Variants in TUBB3 observed in about 807,000 individuals in gnomAD.
TUBB3 encodes the protein tubulin beta-3 chain.
TUBB3 carries 17 observed loss-of-function variants against 37.8 expected under a neutral mutation model. That is an observed-to-expected ratio of 0.45 (90% CI 0.31 to 0.67). TUBB3 has a LOEUF of 0.67. Ranked by LOEUF, TUBB3 falls within the 30% of genes least tolerant of loss-of-function variation. TUBB3 has a pLI of 0.07. For missense variants in TUBB3, 262 were observed against 657.9 expected (o/e 0.40, Z 6.58); for synonymous variants, 332 against 278.9 (o/e 1.19, Z -1.90).
rs2030350424 is a variant in TUBB3, at chr16:89,933,696, G to A, written c.277+118G>A. Reference sequence around the variant, plus strand: ...GTCAGCTCCTCACATGATCCTGAATGGTGGGAACTCATCTCTCCATTTTAC... The same window carrying A: ...GTCAGCTCCTCACATGATCCTGAATAGTGGGAACTCATCTCTCCATTTTAC... On this transcript the variant is annotated intron_variant, in intron 3 of 3. Transcript: ENST00000315491. 3.5e-6 allele frequency: 3 copies of A among 847,632 alleles called. No homozygotes were observed. The East Asian group carries it at 7.4e-5, about 21-fold the overall frequency. The allele number at this position is 847,632 out of a possible 1,614,324, so 52.5% of individuals were successfully genotyped here. A position where few individuals can be genotyped will look rare whatever the true frequency, so the allele number is the denominator to read the frequency against.
At position 89,936,052 on chromosome 16, in the gene TUBB3, A is replaced by G; in HGVS notation, c.*248A>G. 1.7e-6 allele frequency: 1 copy of G among 590,402 alleles called. No homozygotes were observed. 36.6% of individuals were successfully genotyped at this position (590,402 alleles called of 1,614,324 possible). On this transcript the variant is annotated 3_prime_UTR_variant, in exon 4 of 4. Coordinates refer to ENST00000315491, the MANE Select transcript of TUBB3 (RefSeq NM_006086.4). ...TTTTGTTTTTTACTGGTTTGTGTTT[A>G]TATTTTCGGGGATACTTAATAAATC...
intron 1 of TUBB3, among the ~76,000 whole-genome samples, chr16:89,927,854 T>C (rs925247422): frequency 2.0e-5 from 3 of 152,212 alleles, no homozygotes; most frequent in East Asian, 1.9e-4. Flanking sequence ...TTCCCATAGA[T>C]GTGTTACTCT....
At position 89,935,685 on chromosome 16, in the gene TUBB3, G is replaced by A. The variant is rs2030430762; in HGVS notation, c.1234G>A (p.Glu412Lys). 2 of 1,613,742 alleles carry A rather than the reference G, an allele frequency of 1.2e-6. No homozygotes were observed. The highest frequency in any genetic ancestry group is 8.5e-7 in the Non-Finnish European group (1 of 1,179,906). The part of the protein sequence containing the change: ...GMDEMEFTEA[E>K]SNMNDLVSEY... ...GGACGAGATGGAGTTCACCGAGGCC[G>A]AGAGCAACATGAACGACCTGGTGTC... The change falls in exon 4 of 4, where the codon GAG becomes AAG. Residue 412 changes from glutamate to lysine, a missense_variant. Around this residue, in one of 3 missense-constraint regions of TUBB3, gnomAD observed 165 missense variants for 556.8 expected, o/e 0.30. Transcript: ENST00000315491.
intron 1 of TUBB3, chr16:89,931,872 T>C: frequency 2.4e-6 from 1 of 411,548 alleles, no homozygotes; most frequent in Non-Finnish European, 5.0e-6. Context: ...AGGTGGCAGG[T>C]AGAGAGAGGA....
rs2030408122 is a variant in TUBB3 at position 89,935,111 on chromosome 16, C to T, written c.660C>T (p.Pro220=). Residue 220 remains proline, a synonymous_variant, in exon 4 of 4, where the codon CCC becomes CCT. Transcript: ENST00000315491. ...ICFRTLKLAT[P]TYGDLNHLVS... ...TCCGCACCCTCAAGCTGGCCACGCC[C>T]ACCTACGGGGACCTCAACCACCTGG... The T allele has an allele frequency of 3.1e-6, 5 of 1,614,202 alleles. No homozygotes were observed. Among genetic ancestry groups the T allele is most frequent in the Non-Finnish European group, 4.2e-6 (5 of 1,180,038 alleles).
intron 3 of TUBB3, chr16:89,934,309 C>T: frequency 2.1e-6 from 1 of 475,682 alleles, no homozygotes; most frequent in Non-Finnish European, 4.2e-6. Flanking sequence ...CCTCGCTTCA[C>T]TTCTGCCTTC....
Position 89,935,267 on chromosome 16 carries a change from C to A in TUBB3, c.816C>A (p.Pro272=). 5 of 1,613,714 alleles carry A rather than the reference C, an allele frequency of 3.1e-6. No homozygotes were observed. The highest frequency in any genetic ancestry group is 4.2e-6 in the Non-Finnish European group (5 of 1,179,964). The part of the protein sequence containing the change: ...RLHFFMPGFA[P]LTARGSQQYR... Reference sequence around the variant, plus strand: ...ACTTCTTCATGCCCGGCTTCGCCCCCCTCACAGCCCGGGGCAGCCAGCAGT... The same window carrying A: ...ACTTCTTCATGCCCGGCTTCGCCCCACTCACAGCCCGGGGCAGCCAGCAGT... Residue 272 remains proline, a synonymous_variant, in exon 4 of 4, where the codon CCC becomes CCA. Transcript: ENST00000315491.
At chr16:89,933,606 T>C in intron 3 of TUBB3, 28 bp downstream of exon 3, 1 of 1,579,164 alleles carries the variant, frequency 6.3e-7, no homozygotes, top group Non-Finnish European at 8.7e-7. Flanking sequence ...CAAGCTCTGA[T>C]GGCAGACCCC....
rs753913223 is a variant in TUBB3, at chr16:89,935,048, C to G, written c.597C>G (p.Thr199=). ...AGCTGGTGGAGAACACGGATGAGAC[C>G]TACTGCATCGACAACGAGGCGCTCT... ...IHQLVENTDE[T]YCIDNEALYD... is the part of the protein sequence containing the mutation. The change falls in exon 4 of 4, where the codon ACC becomes ACG. Residue 199 remains threonine, a synonymous_variant. Transcript: ENST00000315491. 4 of 1,614,208 alleles carry G rather than the reference C, an allele frequency of 2.5e-6. No individual in the cohort carries two copies. Among genetic ancestry groups the G allele is most frequent in the South Asian group, 1.1e-5 (1 of 91,088 alleles).
chr16:89,923,673 G>T (rs1406222385), intron 1 of TUBB3, among the ~76,000 whole-genome samples: 1 of 152,214 alleles, frequency 6.6e-6, no homozygotes, highest in Non-Finnish European at 1.5e-5. Context: ...GGGCTGTCGA[G>T]GCGCAGCTCA....
intron 1 of TUBB3, chr16:89,931,809 G>A (rs1490464714): frequency 2.6e-6 from 1 of 378,710 alleles, no homozygotes; most frequent in Non-Finnish European, 5.5e-6. Context: ...AGCTGTCATG[G>A]GAGCAGAGTC....
intron 1 of TUBB3, among the ~76,000 whole-genome samples, chr16:89,927,307 G>A (rs1239217533): frequency 2.0e-5 from 3 of 151,928 alleles, no homozygotes; most frequent in African/African-American, 4.8e-5. Context: ...ATCACCTGGG[G>A]GAGGTGGGCA....
At chr16:89,932,474 C>A in intron 1 of TUBB3, 97 bp from the exon 2 acceptor site, 2 of 1,027,104 alleles carry the variant, frequency 1.9e-6, no homozygotes, top group Non-Finnish European at 3.1e-6. Context: ...GTCAAAAGCC[C>A]TAATTTTGTA....
chr16:89,931,868 C>A, intron 1 of TUBB3: 1 of 414,174 alleles, frequency 2.4e-6, no homozygotes, highest in Non-Finnish European at 5.0e-6. Context: ...GTGGAGGTGG[C>A]AGGTAGAGAG....
chr16:89,931,784 T>G, intron 1 of TUBB3: 1 of 327,892 alleles, frequency 3.0e-6, no homozygotes, highest in Non-Finnish European at 6.5e-6. Flanking sequence ...CCCCTGAGTC[T>G]AGGCTCCGCT....
intron 3 of TUBB3, chr16:89,934,387 G>T (rs1246514352): frequency 1.9e-6 from 1 of 518,884 alleles, no homozygotes; most frequent in Admixed American, 2.3e-5. Flanking sequence ...GGGATTCTGG[G>T]GTGGCTGTTT....
chr16:89,929,307 A>T (rs537807105), intron 1 of TUBB3, among the ~76,000 whole-genome samples: 17 of 152,310 alleles, frequency 1.1e-4, no homozygotes, highest in African/African-American at 3.8e-4. Context: ...AAAGAATAAA[A>T]CTTAGCAATA....
At chr16:89,934,199 C>G in intron 3 of TUBB3, 1 of 350,692 alleles carries the variant, frequency 2.9e-6, no homozygotes. Context: ...CCGTGGATGC[C>G]ACGTTCCCAT....
At chr16:89,932,499 G>C (rs1391991162) in intron 1 of TUBB3, 72 bp from the exon 2 acceptor site, 2 of 1,314,814 alleles carry the variant, frequency 1.5e-6, no homozygotes, top group East Asian at 2.3e-5. Flanking sequence ...GGGCTAAAAG[G>C]CTTCACAAGG....
Sources: allele counts gnomAD v4.1 joint callset (sites outside exome capture counted in the v4.1 genomes callset), GRCh38; gene constraint gnomAD v4.1.1; regional missense constraint gnomAD v4.1.1; transcripts MANE v1.5; gene names NCBI Gene and HGNC (gene_info 2026-07-23, HGNC 2026-07-21).